Variants in MEP1A observed in about 807,000 individuals in gnomAD.
The protein encoded by MEP1A is N-benzoyl-L-tyrosyl-P-amino-benzoic acid hydrolase subunit alpha.
Under a neutral mutation model 84.5 loss-of-function variants are expected in MEP1A, and 68 were observed. That is an observed-to-expected ratio of 0.80 (90% confidence interval 0.66 to 0.98). The LOEUF is 0.98. Among genes scored for constraint, MEP1A ranks in the 50% least tolerant of loss-of-function variants. MEP1A has a pLI of 0.00. For synonymous variants in MEP1A, 337 were observed against 336.8 expected (o/e 1.00, Z -0.01); for missense variants, 887 against 919.9 (o/e 0.96, Z 0.46).
At position 46,804,415 on chromosome 6, in the gene MEP1A, A is replaced by G. The variant is rs150325665; in HGVS notation, c.263-5005A>G. Among the ~76,000 whole-genome samples the G allele has an allele frequency of 1.9e-3, 289 of 151,888 alleles. 1 individual carries two copies. The highest frequency in any genetic ancestry group is 6.4e-3 in the African/African-American group (266 of 41,532). ...AATCAAAAAGTTAAAAGCATTATGC[A>G]GCGAACATTCACATACTCATAACCT... On this transcript the variant is annotated intron_variant, in intron 5 of 13. Coordinates refer to ENST00000230588, the MANE Select transcript of MEP1A (RefSeq NM_005588.3).
intron 6 of MEP1A, among the ~76,000 whole-genome samples, chr6:46,810,986 T>C (rs9472872): frequency 0.4 from 61,349 of 151,856 alleles, 12,576 homozygotes; most frequent in Middle Eastern, 0.46. Context: ...TTAGGATGGT[T>C]TTTCCAGGTC....
chr6:46,814,914 C>A (rs1250979206), intron 6 of MEP1A, among the ~76,000 whole-genome samples: 1 of 152,168 alleles, frequency 6.6e-6, no homozygotes, highest in Non-Finnish European at 1.5e-5. Context: ...GGTCTTGCAG[C>A]TATGGACACC....
At chr6:46,840,133 T>C (rs1768307299), downstream of MEP1A, among the ~76,000 whole-genome samples, 1 of 152,176 alleles carries the variant, frequency 6.6e-6, no homozygotes, top group Non-Finnish European at 1.5e-5. Flanking sequence ...TGAGTGGTCC[T>C]TTAAGTCATA....
At chr6:46,797,024 T>A (rs1360998555) in intron 3 of MEP1A, among the ~76,000 whole-genome samples, 4 of 152,218 alleles carry the variant, frequency 2.6e-5, no homozygotes, top group Admixed American at 2.6e-4. Flanking sequence ...GGTTAAGCAA[T>A]CTAGGAAATG....
chr6:46,797,792 C>CTCTT (rs552272095), intron 3 of MEP1A, among the ~76,000 whole-genome samples: 12,123 of 136,604 alleles, frequency 0.089, 673 homozygotes, highest in East Asian at 0.14. Flanking sequence ...TTCTTTCTTT[C>CTCTT]TCTTTCTTTC....
intron 3 of MEP1A, 27 bp from the exon 4 acceptor site, chr6:46,798,578 CT>C (rs780523730): frequency 5.0e-6 from 8 of 1,596,624 alleles, no homozygotes; most frequent in African/African-American, 1.3e-5. Context: ...CTCAAATATT[CT>C]TTTTTTAAAA....
chr6:46,800,836 C>T (rs1767183786), intron 5 of MEP1A, among the ~76,000 whole-genome samples: 1 of 152,154 alleles, frequency 6.6e-6, no homozygotes, highest in Non-Finnish European at 1.5e-5. Flanking sequence ...AACCACCATT[C>T]TGATTTTCCC....
Position 46,819,657 on chromosome 6 carries a change from C to T in MEP1A, c.509C>T (p.Thr170Met), listed in dbSNP as rs201724464. Residue 170 changes from threonine to methionine, a missense_variant, in exon 7 of 14, where the codon ACG becomes ATG. By Grantham distance (81) the Thr-to-Met change is moderately conservative (BLOSUM62 -1). Transcript: ENST00000230588. ...ALGFYHEQSR[T>M]DRDDYVNIWW... ...GGATTTTACCACGAGCAGTCAAGGA[C>T]GGACCGGGATGATTATGTGAACATC... The T allele has an allele frequency of 2.1e-4, 334 of 1,614,102 alleles. No individual in the cohort carries two copies. Among genetic ancestry groups the T allele is most frequent in the Non-Finnish European group, 2.4e-4 (280 of 1,179,984 alleles).
At chr6:46,841,146 A>G (rs535101990), downstream of MEP1A, among the ~76,000 whole-genome samples, 215 of 152,366 alleles carry the variant, frequency 1.4e-3, 1 homozygote, top group African/African-American at 5.1e-3. Flanking sequence ...AATTTCAAAG[A>G]TAACCTAGTA....
At chr6:46,807,565 A>AAAGGAAGGAAGGAAGG (rs1221947370) in intron 5 of MEP1A, among the ~76,000 whole-genome samples, 4 of 71,840 alleles carry the variant, frequency 5.6e-5, no homozygotes, top group Non-Finnish European at 1.0e-4. Context: ...AGAAAGAAAG[A>AAAGGAAGGAAGGAAGG]AAGGAAGGAA....
intron 5 of MEP1A, among the ~76,000 whole-genome samples, chr6:46,800,669 G>A (rs1420490580): frequency 2.6e-5 from 4 of 152,170 alleles, no homozygotes; most frequent in South Asian, 2.1e-4. Flanking sequence ...TTGAATATTT[G>A]TATAGAATTG....
At position 46,819,583 on chromosome 6, in the gene MEP1A, A is replaced by C; in HGVS notation, c.435A>C (p.Gln145His). ...TGGGACAGAACATTTCCATTGGCCA[A>C]GGATGTGCCTATAAGGCCATCATAG... ...QHVGQNISIG[Q>H]GCAYKAIIEH... Residue 145 changes from glutamine (Q) to histidine (H), a missense_variant, in exon 7 of 14, where the codon CAA (glutamine) becomes CAC (histidine). Gln to His is a conservative substitution (Grantham distance 24, BLOSUM62 0). Transcript: ENST00000230588. 1 of 1,614,072 alleles carries C rather than the reference A, an allele frequency of 6.2e-7. No homozygotes were observed. Among genetic ancestry groups the C allele is most frequent in the Non-Finnish European group, 8.5e-7 (1 of 1,179,968 alleles).
chr6:46,836,539 C>T (rs1768221444), intron 13 of MEP1A, among the ~76,000 whole-genome samples: 1 of 152,198 alleles, frequency 6.6e-6, no homozygotes, highest in Admixed American at 6.5e-5. Context: ...TAGCATATTA[C>T]ACAAACCATA....
chr6:46,823,884 T>C (rs1265554186), intron 7 of MEP1A, among the ~76,000 whole-genome samples: 1 of 152,242 alleles, frequency 6.6e-6, no homozygotes, highest in Non-Finnish European at 1.5e-5. Context: ...TCACTTTCAC[T>C]AATCTCAGAA....
At chr6:46,836,430 T>A (rs1768219776) in intron 13 of MEP1A, among the ~76,000 whole-genome samples, 1 of 152,208 alleles carries the variant, frequency 6.6e-6, no homozygotes, top group Non-Finnish European at 1.5e-5. Context: ...TTTTTCTCTT[T>A]TTGTAGCTTT....
rs138587712 is a variant in MEP1A at position 46,833,332 on chromosome 6, G to T, written c.1403G>T (p.Gly468Val). The change falls in exon 11 of 14, where the codon GGG becomes GTG. Residue 468 changes from glycine to valine, a missense_variant. Physicochemically the swap from Gly to Val is moderately radical, Grantham distance 109 (BLOSUM62 -3). Coordinates refer to ENST00000230588, the MANE Select transcript of MEP1A (RefSeq NM_005588.3). ...TACAATTCGGAGGGATATGGTTTTGGGGTAACTTTATACCCAAATAGCAGA... is the reference window on the plus strand; with the variant it reads ...TACAATTCGGAGGGATATGGTTTTGTGGTAACTTTATACCCAAATAGCAGA... ...RFYNSEGYGF[G>V]VTLYPNSRES... 2.2e-5 allele frequency: 36 copies of T among 1,614,042 alleles called. No individual in the cohort carries two copies. Among genetic ancestry groups the T allele is most frequent in the Non-Finnish European group, 2.5e-5 (30 of 1,180,028 alleles).
intron 5 of MEP1A, among the ~76,000 whole-genome samples, chr6:46,802,931 C>A (rs1767226142): frequency 6.6e-6 from 1 of 151,618 alleles, no homozygotes; most frequent in African/African-American, 2.4e-5. Context: ...TTTTGTTATA[C>A]ATTTTTGTGT....
In MEP1A at chr6:46,807,784, A is replaced by AAAGG. The variant is rs1336786592; in HGVS notation, c.263-1633_263-1632insGAAG. Reference sequence around the variant, plus strand: ...GAAGGGAGAAAGGAAAGAAAGAAAGAAAGAAAGAAAGAAAGAAAGAAAGAA... The same window carrying AAAGG: ...GAAGGGAGAAAGGAAAGAAAGAAAGAAAGGAAGAAAGAAAGAAAGAAAGAAAGAA... On this transcript the variant is annotated intron_variant, in intron 5 of 13. Transcript: ENST00000230588. Among the ~76,000 whole-genome samples the AAAGG allele has an allele frequency of 2.8e-3, 312 of 110,442 alleles. 6 individuals are homozygous for AAAGG. Among genetic ancestry groups the AAAGG allele is most frequent in the African/African-American group, 8.9e-3 (291 of 32,606 alleles). 72.5% of individuals were successfully genotyped at this position (110,442 alleles called of 152,430 possible).
intron 10 of MEP1A, among the ~76,000 whole-genome samples, chr6:46,831,004 G>T (rs1457730933): frequency 1.3e-5 from 2 of 152,114 alleles, no homozygotes; most frequent in South Asian, 2.1e-4. Context: ...TTACTTCTAA[G>T]CATAAAATCA....
Sources: gnomAD v4.1 joint callset for allele counts (sites outside exome capture counted in the v4.1 genomes callset) on GRCh38, gnomAD v4.1.1 for gene constraint, MANE v1.5 for transcripts, NCBI Gene and HGNC (gene_info 2026-07-23, HGNC 2026-07-21) for gene names.